Variants in XXYLT1 observed in about 807,000 individuals in gnomAD.
XXYLT1 encodes xyloside xylosyltransferase 1, also known as UDP-xylose:alpha-xyloside alpha-1,3-xylosyltransferase.
A neutral mutation model predicts 28.9 loss-of-function variants in XXYLT1; 20 were observed. That is an observed-to-expected ratio of 0.69 (90% CI 0.49 to 1.00). The LOEUF (loss-of-function observed/expected upper bound fraction) is 1.00. XXYLT1 is among the 50% of genes least tolerant of loss of function. XXYLT1 has a pLI of 0.00. For synonymous variants in XXYLT1, 257 were observed against 253.8 expected, an observed-to-expected ratio of 1.01 and a Z score of -0.12; for missense variants, 542 against 560.1, an observed-to-expected ratio of 0.97 and a Z score of 0.33.
chr3:195,238,304 T>C (rs903820675), intron 1 of XXYLT1, among the ~76,000 whole-genome samples: 10 of 152,218 alleles, frequency 6.6e-5, no homozygotes, highest in Admixed American at 5.2e-4. Flanking sequence ...TAAGATCCTA[T>C]CCAGTTTTCC....
At position 195,115,326 on chromosome 3, in the gene XXYLT1, C is replaced by T. The variant is rs1362714786; in HGVS notation, c.785+41123G>A. On this transcript the variant is annotated intron_variant, in intron 3 of 3. Transcript: ENST00000310380. The surrounding 1 kb of genome is among the most constrained non-coding windows in gnomAD (Gnocchi z 4.2). ...ATTTCTGTCCAAACTCCATAATCCT[C>T]AGACCTCAACTTAGACTGTTCATCC... Among the ~76,000 whole-genome samples, 3 of 152,176 alleles carry T rather than the reference C, an allele frequency of 2.0e-5. No homozygotes were observed.
chr3:195,111,330 T>C (rs1717701490), intron 3 of XXYLT1, among the ~76,000 whole-genome samples: 1 of 152,158 alleles, frequency 6.6e-6, no homozygotes, highest in Non-Finnish European at 1.5e-5. Flanking sequence ...AACGACCCTA[T>C]TCCAAATAAG....
Position 195,256,474 on chromosome 3 carries a change from G to A in XXYLT1, c.504+14081C>T, listed in dbSNP as rs978822764. 2.9e-5 allele frequency: 29 copies of A among 985,174 alleles called. No individual in the cohort carries two copies. The highest frequency in any genetic ancestry group is 3.5e-5 in the Non-Finnish European group (29 of 829,850). The allele number at this position is 985,174 out of a possible 1,614,324, so 61.0% of individuals were successfully genotyped here. ...AGAAACGAACCAGTACCTCCCAGAG[G>A]ACGGAAGGGAAGTCAGCACGGAAGC... On this transcript the variant is annotated intron_variant, in intron 1 of 3. Transcript: ENST00000310380. This position sits in a 1 kb window ranked among gnomAD's most constrained non-coding sequence, Gnocchi z 4.2.
At position 195,150,605 on chromosome 3, in the gene XXYLT1, G is replaced by A. The variant is rs1263213884; in HGVS notation, c.785+5844C>T. Among the ~76,000 whole-genome samples the A allele has an allele frequency of 6.6e-6, 1 of 152,158 alleles. No homozygotes were observed. The highest frequency in any genetic ancestry group is 2.4e-5 in the African/African-American group (1 of 41,430). Reference sequence around the variant, plus strand: ...CAGCAGCTGACAGGAATAGCCTGCCGCTTCCTCCTCAGGGTGGGCCGGGGC... The same window carrying A: ...CAGCAGCTGACAGGAATAGCCTGCCACTTCCTCCTCAGGGTGGGCCGGGGC... On this transcript the variant is annotated intron_variant, in intron 3 of 3. Coordinates refer to ENST00000310380, the MANE Select transcript of XXYLT1 (RefSeq NM_152531.5). The surrounding 1 kb of genome is among the most constrained non-coding windows in gnomAD (Gnocchi z 4.7).
At chr3:195,219,878 T>A (rs537063966) in intron 2 of XXYLT1, among the ~76,000 whole-genome samples, 5 of 152,162 alleles carry the variant, frequency 3.3e-5, no homozygotes, top group Non-Finnish European at 5.9e-5. Context: ...TTTTCTACAA[T>A]GGCAAGCGTC....
chr3:195,165,720 T>C (rs1196609886), intron 2 of XXYLT1, among the ~76,000 whole-genome samples: 1 of 152,206 alleles, frequency 6.6e-6, no homozygotes, highest in Non-Finnish European at 1.5e-5. Context: ...AATGTCACGT[T>C]ATATTGGTGC....
rs1335811155 is a variant in XXYLT1, at chr3:195,069,298, G to C, written c.*417C>G. 1 of 182,194 alleles carries C rather than the reference G, an allele frequency of 5.5e-6. No homozygotes were observed. The highest frequency in any genetic ancestry group is 2.4e-5 in the African/African-American group (1 of 42,364). The allele number at this position is 182,194 out of a possible 1,614,324, so 11.3% of individuals were successfully genotyped here. On this transcript the variant is annotated 3_prime_UTR_variant, in exon 4 of 4. Coordinates refer to ENST00000310380, the MANE Select transcript of XXYLT1 (RefSeq NM_152531.5). Reference sequence around the variant, plus strand: ...CGTTTGGGGCTCGATGGGTGCTAAAGCAGTTCTGTTTGTACTTTCTCGAAA... The same window carrying C: ...CGTTTGGGGCTCGATGGGTGCTAAACCAGTTCTGTTTGTACTTTCTCGAAA...
chr3:195,077,816 C>T lies in XXYLT1; in HGVS notation c.786-7705G>A, dbSNP rs943165500. On this transcript the variant is annotated intron_variant, in intron 3 of 3. Coordinates refer to ENST00000310380, the MANE Select transcript of XXYLT1 (RefSeq NM_152531.5). The surrounding 1 kb of genome is among the most constrained non-coding windows in gnomAD (Gnocchi z 4.8). ...CACCAGGACCCCAAGGTTGCTGCCCCGTATCCTCAGGATGTGCCATGCCCT... is the reference window on the plus strand; with the variant it reads ...CACCAGGACCCCAAGGTTGCTGCCCTGTATCCTCAGGATGTGCCATGCCCT... Among the ~76,000 whole-genome samples, 14 of 152,164 alleles carry T rather than the reference C, an allele frequency of 9.2e-5. No individual in the cohort carries two copies. The highest frequency in any genetic ancestry group is 2.7e-4 in the African/African-American group (11 of 41,448).
chr3:195,109,741 G>A, intron 3 of XXYLT1, among the ~76,000 whole-genome samples: 1 of 77,526 alleles, frequency 1.3e-5, no homozygotes, highest in African/African-American at 3.8e-5. Flanking sequence ...TGGTGTATGT[G>A]TTCAGGTATG....
chr3:195,104,613 G>A (rs62290318), intron 3 of XXYLT1, among the ~76,000 whole-genome samples: 20,177 of 152,138 alleles, frequency 0.13, 1,846 homozygotes, highest in East Asian at 0.46. Flanking sequence ...CAGACAGCGT[G>A]GCACGACCAC....
intron 3 of XXYLT1, among the ~76,000 whole-genome samples, chr3:195,141,952 G>A (rs1719516150): frequency 6.6e-6 from 1 of 152,184 alleles, no homozygotes; most frequent in African/African-American, 2.4e-5. Flanking sequence ...TGAACCAAAG[G>A]AAAACAAAAT....
intron 2 of XXYLT1, chr3:195,214,975 G>C (rs944417695): frequency 6.6e-6 from 1 of 151,258 alleles, no homozygotes; most frequent in African/African-American, 2.4e-5. Context: ...CGGATCTCTC[G>C]GCAGAAACCC....
intron 2 of XXYLT1, among the ~76,000 whole-genome samples, chr3:195,191,950 C>T (rs73890719): frequency 0.051 from 7,807 of 152,196 alleles, 615 homozygotes; most frequent in African/African-American, 0.18. Context: ...ATTGATGGAA[C>T]AGAATATTAG....
intron 1 of XXYLT1, chr3:195,270,332 A>G: frequency 1.8e-6 from 2 of 1,081,146 alleles, no homozygotes; most frequent in Non-Finnish European, 2.5e-6. Context: ...CGAGGCGGTC[A>G]TTAAAAACGC....
chr3:195,192,858 A>T (rs981717529), intron 2 of XXYLT1, among the ~76,000 whole-genome samples: 2 of 152,268 alleles, frequency 1.3e-5, no homozygotes, highest in African/African-American at 4.8e-5. Context: ...CTTTATTTAC[A>T]GATGACATAA....
At chr3:195,236,962 C>G (rs1184556153) in intron 1 of XXYLT1, among the ~76,000 whole-genome samples, 1 of 152,120 alleles carries the variant, frequency 6.6e-6, no homozygotes, top group Non-Finnish European at 1.5e-5. Context: ...TGAGCTGGTA[C>G]CCAAGTTGCA....
At position 195,161,338 on chromosome 3, in the gene XXYLT1, C is replaced by A. The variant is rs1005511915; in HGVS notation, c.653-4757G>T. ...AGCCACGACACATTTCTGAGAAAAG[C>A]CTTCGGACATCTCTGAAGTCCCTTT... On this transcript the variant is annotated intron_variant, in intron 2 of 3. Coordinates refer to ENST00000310380, the MANE Select transcript of XXYLT1 (RefSeq NM_152531.5). Among the ~76,000 whole-genome samples the A allele has an allele frequency of 3.3e-5, 5 of 152,276 alleles. No homozygotes were observed. In the East Asian group the frequency reaches 5.8e-4, roughly 18 times the overall value.
intron 3 of XXYLT1, among the ~76,000 whole-genome samples, chr3:195,144,821 G>A (rs987130617): frequency 1.3e-5 from 2 of 152,168 alleles, no homozygotes; most frequent in African/African-American, 4.8e-5. Flanking sequence ...TGTGAGATGT[G>A]AGTAGAAAAG....
At chr3:195,261,001 C>CTGCT (rs1225070403) in intron 1 of XXYLT1, among the ~76,000 whole-genome samples, 1 of 152,254 alleles carries the variant, frequency 6.6e-6, no homozygotes, top group Non-Finnish European at 1.5e-5. Flanking sequence ...CTTGGCAGAG[C>CTGCT]TGCTAGCGGG....
Sources: gnomAD v4.1 joint callset for allele counts (sites outside exome capture counted in the v4.1 genomes callset) on GRCh38, gnomAD v4.1.1 for gene constraint, Gnocchi (gnomAD v3.1) non-coding constraint, MANE v1.5 for transcripts, NCBI Gene and HGNC (gene_info 2026-07-23, HGNC 2026-07-21) for gene names.